The following GSR variants were observed in gnomAD, a reference collection of about 807,000 sequenced individuals.
GSR encodes the protein glutathione reductase, mitochondrial.
Under a neutral mutation model 56.5 loss-of-function variants are expected in GSR, and 48 were observed. The observed-to-expected ratio is 0.85, with a 90% CI of 0.67 to 1.08. The LOEUF (loss-of-function observed/expected upper bound fraction) is 1.08. GSR is among the 50% of genes least tolerant of loss of function. The pLI, the probability that GSR is intolerant of heterozygous loss-of-function variation, is 0.00. For synonymous variants in GSR, 264 were observed against 270.8 expected, an observed-to-expected ratio of 0.97 and a Z score of 0.25; for missense variants, 694 against 703.3, an observed-to-expected ratio of 0.99 and a Z score of 0.15.
chr8:30,696,487 G>T lies in GSR; in HGVS notation c.696-8C>A, dbSNP rs754893920. ...CCAACAATGACGCTGCGGCTGAGAC[G>T]CGAGCAGAGGGTTAGTATTCTTAAA... On this transcript the variant is annotated splice_region_variant and splice_polypyrimidine_tract_variant and intron_variant, in intron 6 of 12. Coordinates refer to ENST00000221130, the MANE Select transcript of GSR (RefSeq NM_000637.5). The T allele has an allele frequency of 1.9e-6, 3 of 1,574,576 alleles. No individual in the cohort carries two copies. The highest frequency in any genetic ancestry group is 2.7e-5 in the African/African-American group (2 of 74,078).
chr8:30,721,916 C>T (rs937349341), intron 1 of GSR, among the ~76,000 whole-genome samples: 1 of 151,160 alleles, frequency 6.6e-6, no homozygotes, highest in Non-Finnish European at 1.5e-5. Context: ...ACTCAGGAGG[C>T]TGGGCAGGAG....
At chr8:30,694,469 C>T (rs527608100) in intron 7 of GSR, among the ~76,000 whole-genome samples, 1 of 152,258 alleles carries the variant, frequency 6.6e-6, no homozygotes, top group South Asian at 2.1e-4. Flanking sequence ...ACCACTACAC[C>T]TTGCTAATTT....
chr8:30,715,852 T>C (rs1370304053), intron 1 of GSR, among the ~76,000 whole-genome samples: 1 of 152,220 alleles, frequency 6.6e-6, no homozygotes, highest in African/African-American at 2.4e-5. Context: ...TTTAAAGTTA[T>C]TTAAGGCTTC....
intron 6 of GSR, among the ~76,000 whole-genome samples, chr8:30,698,497 G>T (rs916736462): frequency 6.6e-6 from 1 of 152,196 alleles, no homozygotes; most frequent in African/African-American, 2.4e-5. Context: ...TCTGCGACCT[G>T]ATAGCAAACC....
At chr8:30,703,020 G>C (rs1803794291) in intron 5 of GSR, 73 bp downstream of exon 5, 1 of 1,479,514 alleles carries the variant, frequency 6.8e-7, no homozygotes, top group South Asian at 1.1e-5. Context: ...CAGATCCCCT[G>C]GCATGGCTTT....
chr8:30,724,243 A>G (rs1249416048), intron 1 of GSR, among the ~76,000 whole-genome samples: 2 of 152,208 alleles, frequency 1.3e-5, no homozygotes, highest in Non-Finnish European at 2.9e-5. Context: ...AAAGACAGAA[A>G]GACAAACTTC....
chr8:30,685,924 T>C (rs1480491036), intron 9 of GSR, among the ~76,000 whole-genome samples: 2 of 136,706 alleles, frequency 1.5e-5, no homozygotes, highest in African/African-American at 2.8e-5. Flanking sequence ...GGGGCGGAGA[T>C]TGCAGTAAGC....
chr8:30,679,706 CTTTTTT>C, intron 12 of GSR, 37 bp from the exon 13 acceptor site: 5 of 1,305,848 alleles, frequency 3.8e-6, no homozygotes, highest in Non-Finnish European at 4.2e-6. Context: ...TTTCTTTCTT[CTTTTTT>C]TTTTTTTTTT....
At chr8:30,697,577 A>G (rs1352284554) in intron 6 of GSR, among the ~76,000 whole-genome samples, 25 of 152,118 alleles carry the variant, frequency 1.6e-4, no homozygotes, top group Non-Finnish European at 8.8e-5. Context: ...GCAGTGAGCT[A>G]TGACTATACC....
intron 10 of GSR, among the ~76,000 whole-genome samples, chr8:30,683,255 C>T (rs962875281): frequency 1.2e-4 from 18 of 152,152 alleles, no homozygotes; most frequent in Admixed American, 6.6e-5. Flanking sequence ...TAGCCAAGAG[C>T]AAGAACTTTC....
rs990181446 is a variant in GSR, at chr8:30,696,538, G to A, written c.696-59C>T. ...TAAACTAATTTTGGAATAATTTCACGTTTACAGAAAAGTTGCAGAGATAGT... is the reference window on the plus strand; with the variant it reads ...TAAACTAATTTTGGAATAATTTCACATTTACAGAAAAGTTGCAGAGATAGT... On this transcript the variant is annotated intron_variant, in intron 6 of 12. Transcript: ENST00000221130. The A allele has an allele frequency of 3.4e-5, 40 of 1,178,534 alleles. 1 individual carries two copies. In the Middle Eastern group the frequency reaches 2.5e-3, roughly 73 times the overall value. 73.0% of individuals were successfully genotyped at this position (1,178,534 alleles called of 1,614,324 possible).
intron 1 of GSR, among the ~76,000 whole-genome samples, chr8:30,724,907 A>G (rs1411479872): frequency 6.6e-6 from 1 of 152,196 alleles, no homozygotes; most frequent in Non-Finnish European, 1.5e-5. Context: ...AGTGAAAAGC[A>G]GGAGTAGAGG....
chr8:30,695,482 C>T lies in GSR; in HGVS notation c.795+898G>A, dbSNP rs112376599. ...CTCCTGACCTCAAGTGATCCGCCCG[C>T]CTCAGCCTCCCAAAGTGCTGGGAAT... is the stretch of plus-strand genomic sequence containing the variant. On this transcript the variant is annotated intron_variant, in intron 7 of 12. Coordinates refer to ENST00000221130, the MANE Select transcript of GSR (RefSeq NM_000637.5). Among the ~76,000 whole-genome samples the T allele has an allele frequency of 5.6e-3, 851 of 152,204 alleles. 12 individuals carry two copies. Among genetic ancestry groups the T allele is most frequent in the African/African-American group, 0.02 (813 of 41,546 alleles).
rs752407262 is a variant in GSR, at chr8:30,679,496, C to T, written c.*24G>A. ...TTCAGAAGATCTATGGGTCCCACTG[C>T]CCGCCACACGTGTCTCCTGGTTCTC... On this transcript the variant is annotated 3_prime_UTR_variant, in exon 13 of 13. Transcript: ENST00000221130. 6.2e-7 allele frequency: 1 copy of T among 1,611,092 alleles called. No individual in the cohort carries two copies.
At chr8:30,681,443 T>C (rs907290110) in intron 11 of GSR, among the ~76,000 whole-genome samples, 2 of 152,058 alleles carry the variant, frequency 1.3e-5, no homozygotes, top group African/African-American at 4.8e-5. Context: ...GAAGAATTGC[T>C]TGAACCCAGA....
intron 5 of GSR, among the ~76,000 whole-genome samples, chr8:30,702,080 T>G (rs532881366): frequency 6.6e-6 from 1 of 151,748 alleles, no homozygotes; most frequent in East Asian, 1.9e-4. Flanking sequence ...CCGGGCACAG[T>G]GGCTCACGCC....
intron 5 of GSR, among the ~76,000 whole-genome samples, chr8:30,700,722 CCAAAAAAAAAAA>C (rs1803705359): frequency 1.2e-4 from 1 of 8,424 alleles, no homozygotes; most frequent in African/African-American, 1.7e-4. Context: ...GATTTTGTCT[CCAAAAAAAAAAA>C]AAAAAAAAAA....
intron 1 of GSR, among the ~76,000 whole-genome samples, chr8:30,723,011 A>G (rs1275902117): frequency 6.6e-6 from 1 of 152,112 alleles, no homozygotes; most frequent in Admixed American, 6.5e-5. Flanking sequence ...CACATGATCA[A>G]CCCTTACTAC....
intron 6 of GSR, 143 bp downstream of exon 6, chr8:30,699,938 T>A: frequency 1.3e-6 from 1 of 759,920 alleles, no homozygotes; most frequent in East Asian, 2.5e-5. Flanking sequence ...GAATGAGATA[T>A]ACAAGGTCAT....
Sources: allele counts gnomAD v4.1 joint callset (sites outside exome capture counted in the v4.1 genomes callset), GRCh38; gene constraint gnomAD v4.1.1; transcripts MANE v1.5; gene names NCBI Gene and HGNC (gene_info 2026-07-23, HGNC 2026-07-21).